Variants in OXTR observed in about 807,000 individuals in gnomAD.
The protein encoded by OXTR is oxytocin receptor.
In OXTR, 19 loss-of-function variants were observed where a neutral mutation model predicts 23.9. The observed-to-expected ratio is 0.80, with a 90% CI of 0.56 to 1.17. The LOEUF (loss-of-function observed/expected upper bound fraction) is 1.17. Among genes scored for constraint, OXTR ranks in the 50% most tolerant of loss-of-function variants. OXTR has a pLI of 0.00. For synonymous variants in OXTR, 278 were observed against 250.5 expected (o/e 1.11, Z -1.04); for missense variants, 500 against 550.7 (o/e 0.91, Z 0.92).
intron 3 of OXTR, among the ~76,000 whole-genome samples, chr3:8,762,125 C>T (rs237891): frequency 0.6 from 91,779 of 151,972 alleles, 28,235 homozygotes; most frequent in East Asian, 0.83. Context: ...ACAGACCTCA[C>T]CCAGCCTCCA....
chr3:8,741,356 C>T, the OXTR span, among the ~76,000 whole-genome samples: 3 of 152,196 alleles, frequency 2.0e-5, no homozygotes, highest in African/African-American at 7.2e-5. Flanking sequence ...TAAGCACTCT[C>T]AACTTCTATA....
chr3:8,758,063 G>A (rs1708411660), intron 3 of OXTR, among the ~76,000 whole-genome samples: 1 of 152,142 alleles, frequency 6.6e-6, no homozygotes, highest in African/African-American at 2.4e-5. Flanking sequence ...GGGGACATGA[G>A]CAGAAACAGC....
chr3:8,753,142 G>A lies in OXTR; in HGVS notation c.1005C>T (p.His335=). ...AGCGCTGCACGAGTTCGTGGAAGAG[G>A]TGGCCCGTGAACAGCATGTAGATCC... The part of the protein sequence containing the change: ...NPWIYMLFTG[H]LFHELVQRFL... The change falls in exon 4 of 4, where the codon CAC becomes CAT. Residue 335 remains histidine (H), a synonymous_variant. Coordinates refer to ENST00000316793, the MANE Select transcript of OXTR (RefSeq NM_000916.4). The A allele has an allele frequency of 6.2e-7, 1 of 1,614,200 alleles. No individual in the cohort carries two copies. Among genetic ancestry groups the A allele is most frequent in the African/African-American group, 1.3e-5 (1 of 75,040 alleles).
chr3:8,755,496 T>C lies in OXTR; in HGVS notation c.923-2272A>G, dbSNP rs565927762. ...GGATCTTTCAACTTTTTTATCCTATTTTTTAAAAAACTACAGAAACATCAA... is the reference window on the plus strand; with the variant it reads ...GGATCTTTCAACTTTTTTATCCTATCTTTTAAAAAACTACAGAAACATCAA... On this transcript the variant is annotated intron_variant, in intron 3 of 3. Coordinates refer to ENST00000316793, the MANE Select transcript of OXTR (RefSeq NM_000916.4). Among the ~76,000 whole-genome samples, 8 of 152,360 alleles carry C rather than the reference T, an allele frequency of 5.3e-5. No homozygotes were observed. In the South Asian group the frequency reaches 1.2e-3, roughly 24 times the overall value.
At chr3:8,762,939 C>T (rs1384830458) in intron 3 of OXTR, among the ~76,000 whole-genome samples, 1 of 152,218 alleles carries the variant, frequency 6.6e-6, no homozygotes, top group Non-Finnish European at 1.5e-5. Context: ...TCACTCACCT[C>T]TCTGCTCCCA....
At chr3:8,765,852 A>G (rs756359562) in intron 3 of OXTR, among the ~76,000 whole-genome samples, 3 of 152,210 alleles carry the variant, frequency 2.0e-5, no homozygotes, top group Non-Finnish European at 4.4e-5. Context: ...GGTGTTCGGT[A>G]AATATTGAAT....
intron 3 of OXTR, among the ~76,000 whole-genome samples, chr3:8,756,080 G>C (rs112808752): frequency 1.3e-5 from 2 of 152,142 alleles, no homozygotes; most frequent in East Asian, 1.9e-4. Flanking sequence ...GCAGGTGAGC[G>C]ACTACGGATT....
intron 3 of OXTR, among the ~76,000 whole-genome samples, chr3:8,753,651 G>A (rs991950679): frequency 4.6e-5 from 7 of 152,140 alleles, no homozygotes; most frequent in Admixed American, 2.0e-4. Context: ...CCTCACCAGC[G>A]CCTAGTTACT....
At chr3:8,741,631 T>C in the OXTR span, among the ~76,000 whole-genome samples, 1 of 152,136 alleles carries the variant, frequency 6.6e-6, no homozygotes, top group Non-Finnish European at 1.5e-5. Context: ...GGCCAGTGGA[T>C]ACTGGGACCA....
chr3:8,769,329 G>T lies in OXTR; in HGVS notation c.-337C>A, dbSNP rs1043029557. ...GACGCGTGCGCTCCCGGCCCGAGTT[G>T]GGATGGCCTGCCGGCTGCACCTAAT... On this transcript the variant is annotated 5_prime_UTR_variant, in exon 1 of 4. Coordinates refer to ENST00000316793, the MANE Select transcript of OXTR (RefSeq NM_000916.4). 6.6e-6 allele frequency: 1 copy of T among 152,322 alleles called. No homozygotes were observed. Among genetic ancestry groups the T allele is most frequent in the Admixed American group, 6.5e-5 (1 of 15,292 alleles). 9.4% of individuals were successfully genotyped at this position (152,322 alleles called of 1,614,324 possible).
chr3:8,745,985 C>G (rs1186782649), downstream of OXTR: 5 of 758,690 alleles, frequency 6.6e-6, no homozygotes, highest in Non-Finnish European at 8.5e-6. This position sits in a 1 kb window ranked among gnomAD's most constrained non-coding sequence, Gnocchi z 4.8. Context: ...GCTCCATACC[C>G]CATGATGGAG....
rs1460252381 is a variant in OXTR at position 8,752,350 on chromosome 3, C to A, written c.*627G>T. ...TTTTCCTATCTGGATACATTTATTT[C>A]TTTTTCTTTCCCAAATGCTTCTTAA... is the stretch of plus-strand genomic sequence containing the variant. On this transcript the variant is annotated 3_prime_UTR_variant, in exon 4 of 4. Coordinates refer to ENST00000316793, the MANE Select transcript of OXTR (RefSeq NM_000916.4). The A allele has an allele frequency of 6.6e-6, 1 of 152,414 alleles. No homozygotes were observed. Among genetic ancestry groups the A allele is most frequent in the African/African-American group, 2.4e-5 (1 of 41,378 alleles). 9.4% of individuals were successfully genotyped at this position (152,414 alleles called of 1,614,324 possible). A position where few individuals can be genotyped will look rare whatever the true frequency, so the allele number is the denominator to read the frequency against.
In OXTR at chr3:8,768,330, C is replaced by T. The variant is rs237912; in HGVS notation, c.-142-1G>A. 1 of 1,189,420 alleles carries T rather than the reference C, an allele frequency of 8.4e-7. No individual in the cohort carries two copies. The highest frequency in any genetic ancestry group is 1.0e-6 in the Non-Finnish European group (1 of 956,662). The allele number at this position is 1,189,420 out of a possible 1,614,324, so 73.7% of individuals were successfully genotyped here. On this transcript the variant is annotated splice_acceptor_variant, in intron 2 of 3. Transcript: ENST00000316793. LOFTEE classifies it low-confidence loss of function (5UTR_SPLICE). The surrounding 1 kb of genome is among the most constrained non-coding windows in gnomAD (Gnocchi z 5.4). ...CACGGACGGATCTGCTGGGTCCACCCTGAAACAAACCGGGAGGGCCGTGAG... is the reference window on the plus strand; with the variant it reads ...CACGGACGGATCTGCTGGGTCCACCTTGAAACAAACCGGGAGGGCCGTGAG...
At chr3:8,741,949 C>T in the OXTR span, among the ~76,000 whole-genome samples, 1 of 152,190 alleles carries the variant, frequency 6.6e-6, no homozygotes, top group Non-Finnish European at 1.5e-5. Flanking sequence ...CACCATCGTT[C>T]CCCCTTCCTC....
rs1708680513 is a variant in OXTR, at chr3:8,768,152, C to T, written c.36G>A (p.Glu12=). Residue 12 remains glutamate (E), a synonymous_variant, in exon 3 of 4, where the codon GAG becomes GAA. Coordinates refer to ENST00000316793, the MANE Select transcript of OXTR (RefSeq NM_000916.4). The surrounding 1 kb of genome is among the most constrained non-coding windows in gnomAD (Gnocchi z 5.4). ...GCGGCGCGGCGCTGGCGTTGGCTGCCTCGGCGCTCCAGTTGGCTGCGAGCG... is the reference window on the plus strand; with the variant it reads ...GCGGCGCGGCGCTGGCGTTGGCTGCTTCGGCGCTCCAGTTGGCTGCGAGCG... ...EGALAANWSA[E]AANASAAPPG... 1.5e-6 allele frequency: 2 copies of T among 1,336,864 alleles called. No homozygotes were observed. The highest frequency in any genetic ancestry group is 1.5e-5 in the African/African-American group (1 of 64,994). The allele number at this position is 1,336,864 out of a possible 1,614,324, so 82.8% of individuals were successfully genotyped here. A position where few individuals can be genotyped will look rare whatever the true frequency, so the allele number is the denominator to read the frequency against.
chr3:8,767,351 G>A lies in OXTR; in HGVS notation c.837C>T (p.Ile279=). Residue 279 remains isoleucine, a synonymous_variant, in exon 3 of 4, where the codon ATC becomes ATT. Coordinates refer to ENST00000316793, the MANE Select transcript of OXTR (RefSeq NM_000916.4). ...AGCACACGATGAAGGCCAGCACGAT[G>A]ATGAAAGTCATCTTGACCGTGCGGA... ...AKIRTVKMTF[I]IVLAFIVCWT... is the part of the protein sequence containing the mutation. The A allele has an allele frequency of 6.2e-7, 1 of 1,612,310 alleles. No individual in the cohort carries two copies. Among genetic ancestry groups the A allele is most frequent in the Non-Finnish European group, 8.5e-7 (1 of 1,179,288 alleles).
At chr3:8,745,969 G>A, downstream of OXTR, 1 of 923,156 alleles carries the variant, frequency 1.1e-6, no homozygotes, top group East Asian at 2.6e-5. The surrounding 1 kb of genome is among the most constrained non-coding windows in gnomAD (Gnocchi z 4.8). Context: ...TTTCTCTTTA[G>A]GGACTGCTCC....
chr3:8,742,809 G>A, the OXTR span, among the ~76,000 whole-genome samples: 1 of 152,140 alleles, frequency 6.6e-6, no homozygotes, highest in East Asian at 1.9e-4. Flanking sequence ...GTGGATAGAT[G>A]GATAGATGAA....
chr3:8,749,716 C>T (rs547693183), downstream of OXTR, among the ~76,000 whole-genome samples: 10 of 152,294 alleles, frequency 6.6e-5, no homozygotes, highest in East Asian at 1.9e-4. Context: ...CTTCAGTCTC[C>T]GGGTAGTACT....
Sources: allele counts gnomAD v4.1 joint callset (sites outside exome capture counted in the v4.1 genomes callset), GRCh38; gene constraint gnomAD v4.1.1; non-coding constraint Gnocchi (gnomAD v3.1); transcripts MANE v1.5; gene names NCBI Gene and HGNC (gene_info 2026-07-23, HGNC 2026-07-21).